The following DRD3 variants were observed in gnomAD, a reference collection of about 807,000 sequenced individuals.
DRD3 encodes dopamine receptor D3, also known as D(3) dopamine receptor.
In DRD3, 19 loss-of-function variants were observed where a neutral mutation model predicts 36.3. The observed-to-expected ratio is 0.52, with a 90% CI of 0.36 to 0.77. The LOEUF (loss-of-function observed/expected upper bound fraction) is 0.77, where lower values mean the gene tolerates loss of function less well. DRD3 is among the 30% of genes least tolerant of loss of function. DRD3 has a pLI of 0.00. For missense variants in DRD3, 465 were observed against 505.3 expected, an observed-to-expected ratio of 0.92 and a Z score of 0.77; for synonymous variants, 195 against 203.7, an observed-to-expected ratio of 0.96 and a Z score of 0.36.
At chr3:114,138,313 T>G (rs2077493489) in intron 5 of DRD3, among the ~76,000 whole-genome samples, 1 of 152,198 alleles carries the variant, frequency 6.6e-6, no homozygotes, top group African/African-American at 2.4e-5. Flanking sequence ...TTCATGCTGC[T>G]AATAAAGACA....
At chr3:114,191,623 C>T (rs1231575951) in intron 1 of DRD3, among the ~76,000 whole-genome samples, 1 of 152,200 alleles carries the variant, frequency 6.6e-6, no homozygotes, top group Non-Finnish European at 1.5e-5. Context: ...TAGATTACAG[C>T]AGGAGCAAGC....
At chr3:114,191,461 A>C (rs1054255543) in intron 1 of DRD3, among the ~76,000 whole-genome samples, 2 of 152,218 alleles carry the variant, frequency 1.3e-5, no homozygotes, top group African/African-American at 4.8e-5. Context: ...AGTGGATGAC[A>C]AGAGAGGTGG....
chr3:114,160,236 T>A (rs999620701), intron 2 of DRD3, among the ~76,000 whole-genome samples: 1 of 152,184 alleles, frequency 6.6e-6, no homozygotes, highest in Non-Finnish European at 1.5e-5. Context: ...TCTTCTTTTT[T>A]ATTTTTTTTA....
At chr3:114,191,604 G>C (rs1207792239) in intron 1 of DRD3, among the ~76,000 whole-genome samples, 1 of 152,216 alleles carries the variant, frequency 6.6e-6, no homozygotes, top group African/African-American at 2.4e-5. Flanking sequence ...TCTTTCTTCT[G>C]TGTGAGAGTA....
In DRD3 at chr3:114,150,347, T is replaced by C. The variant is rs557093190; in HGVS notation, c.384-2790A>G. ...TCTTTCCATCATGTACAGAGACTTCTAACTATGAACTCTTAGCACTTCTAT... is the reference window on the plus strand; with the variant it reads ...TCTTTCCATCATGTACAGAGACTTCCAACTATGAACTCTTAGCACTTCTAT... On this transcript the variant is annotated intron_variant, in intron 3 of 6. Coordinates refer to ENST00000383673, the MANE Select transcript of DRD3 (RefSeq NM_000796.6). 2.6e-5 allele frequency among the ~76,000 whole-genome samples: 4 copies of C among 152,372 alleles called. No homozygotes were observed. In the South Asian group the frequency reaches 8.3e-4, roughly 32 times the overall value.
At chr3:114,164,758 T>C (rs950091363) in intron 2 of DRD3, among the ~76,000 whole-genome samples, 4 of 152,240 alleles carry the variant, frequency 2.6e-5, no homozygotes, top group African/African-American at 9.6e-5. Context: ...TTTATTTTTC[T>C]GTTTTCTTTT....
At chr3:114,158,394 G>T (rs897908568) in intron 3 of DRD3, among the ~76,000 whole-genome samples, 7 of 152,188 alleles carry the variant, frequency 4.6e-5, no homozygotes, top group African/African-American at 1.7e-4. Flanking sequence ...AAGAGTTGGG[G>T]ATTTTAGAAT....
chr3:114,128,686 G>T lies in DRD3; in HGVS notation c.*30C>A, dbSNP rs200548170. On this transcript the variant is annotated 3_prime_UTR_variant, in exon 7 of 7. Coordinates refer to ENST00000383673, the MANE Select transcript of DRD3 (RefSeq NM_000796.6). ...GCCAACAGCCTGGCAGCTAGAAATG[G>T]GTACAAAGAGTGTTCCCTCTTCTGC... 1 of 1,530,400 alleles carries T rather than the reference G, an allele frequency of 6.5e-7. No individual in the cohort carries two copies. The highest frequency in any genetic ancestry group is 2.3e-5 in the East Asian group (1 of 43,508). 94.8% of individuals were successfully genotyped at this position (1,530,400 alleles called of 1,614,324 possible).
chr3:114,143,654 T>C (rs988618717), intron 4 of DRD3, among the ~76,000 whole-genome samples: 1 of 152,188 alleles, frequency 6.6e-6, no homozygotes, highest in Non-Finnish European at 1.5e-5. Flanking sequence ...GCTTCTACTA[T>C]TCTCTTAACT....
At chr3:114,185,967 T>C (rs919794737) in intron 1 of DRD3, among the ~76,000 whole-genome samples, 1 of 152,250 alleles carries the variant, frequency 6.6e-6, no homozygotes, top group African/African-American at 2.4e-5. Context: ...AGATTCTCCC[T>C]CTTCTCCAGG....
At position 114,179,042 on chromosome 3, in the gene DRD3, GTC is replaced by G. The variant is rs1298470934; in HGVS notation, c.-423_-422del. 2.0e-5 allele frequency: 3 copies of G among 152,110 alleles called. No individual in the cohort carries two copies. The highest frequency in any genetic ancestry group is 2.1e-4 in the South Asian group (1 of 4,824). The allele number at this position is 152,110 out of a possible 1,614,324, so 9.4% of individuals were successfully genotyped here. A position where few individuals can be genotyped will look rare whatever the true frequency, so the allele number is the denominator to read the frequency against. ...TCTACCTCGCTCTCTTTTCCTCTTT[GTC>G]TCTCTATCTGCTCGGATACTGTGCT... On this transcript the variant is annotated 5_prime_UTR_variant, in exon 1 of 7. Transcript: ENST00000383673.
chr3:114,135,057 TC>T (rs2077463605), intron 5 of DRD3, among the ~76,000 whole-genome samples: 1 of 152,160 alleles, frequency 6.6e-6, no homozygotes, highest in African/African-American at 2.4e-5. Flanking sequence ...TACCCCTGAA[TC>T]CACCTCTCTT....
Position 114,131,418 on chromosome 3 carries a change from G to C in DRD3, c.724-18C>G. On this transcript the variant is annotated intron_variant, in intron 5 of 6. Transcript: ENST00000383673. ...GAGAGGGTCTGCAGGTGTGACAAGAGGGAATCTTGACATTTCTGGGGGTAT... is the reference window on the plus strand; with the variant it reads ...GAGAGGGTCTGCAGGTGTGACAAGACGGAATCTTGACATTTCTGGGGGTAT... 1 of 1,601,548 alleles carries C rather than the reference G, an allele frequency of 6.2e-7. No homozygotes were observed. Among genetic ancestry groups the C allele is most frequent in the South Asian group, 1.1e-5 (1 of 89,996 alleles).
intron 3 of DRD3, among the ~76,000 whole-genome samples, chr3:114,150,973 C>T (rs150087270): frequency 1.3e-5 from 2 of 152,314 alleles, no homozygotes; most frequent in African/African-American, 2.4e-5. Flanking sequence ...TGCTGTATGA[C>T]AAAGGTGGCT....
At chr3:114,131,713 A>C (rs2077432957) in intron 5 of DRD3, among the ~76,000 whole-genome samples, 1 of 152,214 alleles carries the variant, frequency 6.6e-6, no homozygotes, top group South Asian at 2.1e-4. Flanking sequence ...AACTTAAACA[A>C]ATTTACAAGA....
chr3:114,190,411 AATATATATATATATATATAT>A (rs1176905493), intron 1 of DRD3, among the ~76,000 whole-genome samples: 440 of 40,856 alleles, frequency 0.011, 11 homozygotes, highest in African/African-American at 0.03. Context: ...GAAAAAGGAT[AATATATATATATATATATAT>A]ATATATATAT....
intron 2 of DRD3, among the ~76,000 whole-genome samples, chr3:114,166,050 A>G (rs13061178): frequency 6.7e-6 from 1 of 150,180 alleles, no homozygotes; most frequent in African/African-American, 2.4e-5. Context: ...CAGTGGCACA[A>G]TCTCGGCTCA....
At chr3:114,189,906 G>A (rs1271890040) in intron 1 of DRD3, among the ~76,000 whole-genome samples, 2 of 152,058 alleles carry the variant, frequency 1.3e-5, no homozygotes, top group Non-Finnish European at 2.9e-5. Context: ...TTATTTGTTC[G>A]CAAGATCTTG....
chr3:114,152,246 G>A, intron 3 of DRD3, among the ~76,000 whole-genome samples: 1 of 151,924 alleles, frequency 6.6e-6, no homozygotes, highest in Admixed American at 6.6e-5. Flanking sequence ...GTCCTCTCTC[G>A]AATCCCCCTC....
Sources: allele counts gnomAD v4.1 joint callset (sites outside exome capture counted in the v4.1 genomes callset), GRCh38; gene constraint gnomAD v4.1.1; transcripts MANE v1.5; gene names NCBI Gene and HGNC (gene_info 2026-07-23, HGNC 2026-07-21).